The following MCF2L2 variants were observed in gnomAD, a reference collection of about 807,000 sequenced individuals.
MCF2L2 encodes the protein MCF.2 cell line derived transforming sequence-like 2, also known as probable guanine nucleotide exchange factor MCF2L2.
A neutral mutation model predicts 150.2 loss-of-function variants in MCF2L2; 102 were observed. That is an observed-to-expected ratio of 0.68 (90% CI 0.58 to 0.80). The LOEUF (loss-of-function observed/expected upper bound fraction) is 0.80. Among genes scored for constraint, MCF2L2 ranks in the 30% least tolerant of loss-of-function variants. MCF2L2 has a pLI of 0.00. For missense variants in MCF2L2, 1,256 were observed against 1,372.8 expected, an observed-to-expected ratio of 0.91 and a Z score of 1.34; for synonymous variants, 465 against 491.3, an observed-to-expected ratio of 0.95 and a Z score of 0.71.
chr3:183,364,888 G>A (rs982224925), intron 3 of MCF2L2, among the ~76,000 whole-genome samples: 7 of 152,232 alleles, frequency 4.6e-5, no homozygotes, highest in Non-Finnish European at 1.0e-4. Flanking sequence ...ACGTTATCAA[G>A]GCCCAGATGG....
At chr3:183,369,215 G>A (rs999148118) in intron 3 of MCF2L2, among the ~76,000 whole-genome samples, 1 of 152,100 alleles carries the variant, frequency 6.6e-6, no homozygotes. Flanking sequence ...TACACGCCTC[G>A]TTATCCCCCT....
intron 5 of MCF2L2, among the ~76,000 whole-genome samples, chr3:183,333,787 A>C (rs1003026866): frequency 5.3e-5 from 8 of 152,126 alleles, no homozygotes; most frequent in Non-Finnish European, 1.0e-4. Flanking sequence ...AAGAGCCTAA[A>C]AACAAAGATA....
Position 183,283,676 on chromosome 3 carries a change from C to T in MCF2L2, c.1776+5444G>A, listed in dbSNP as rs1449065883. On this transcript the variant is annotated intron_variant, in intron 14 of 29. Coordinates refer to ENST00000328913, the MANE Select transcript of MCF2L2 (RefSeq NM_015078.4). This position sits in a 1 kb window ranked among gnomAD's most constrained non-coding sequence, Gnocchi z 4.2. ...AGCTGGGATTACAGGTGCCCGCCAC[C>T]ATGCCCAGCTAATTTTTGTATTTTT... Among the ~76,000 whole-genome samples the T allele has an allele frequency of 6.6e-6, 1 of 152,110 alleles. No individual in the cohort carries two copies.
chr3:183,271,273 G>A (rs985041217), intron 15 of MCF2L2: 13 of 185,236 alleles, frequency 7.0e-5, no homozygotes, highest in Admixed American at 2.5e-4. Context: ...ATTGCTTTTG[G>A]AAAATACCAA....
intron 15 of MCF2L2, among the ~76,000 whole-genome samples, chr3:183,234,707 T>TTTTTTTTTTTTTTTA (rs774291171): frequency 8.8e-6 from 1 of 113,902 alleles, no homozygotes; most frequent in Non-Finnish European, 1.9e-5. Context: ...TTTTTTTTTT[T>TTTTTTTTTTTTTTTA]TTATTATACT....
chr3:183,396,738 A>T (rs115550317), intron 1 of MCF2L2, among the ~76,000 whole-genome samples: 2,428 of 152,154 alleles, frequency 0.016, 60 homozygotes, highest in African/African-American at 0.056. Flanking sequence ...CAATAATAAT[A>T]ATTATTATTA....
intron 5 of MCF2L2, among the ~76,000 whole-genome samples, chr3:183,332,496 G>A (rs1468058655): frequency 6.6e-6 from 1 of 151,478 alleles, no homozygotes; most frequent in African/African-American, 2.4e-5. Context: ...ACCTGAGAAG[G>A]AGGGCATAAG....
At chr3:183,326,759 C>A (rs1577065607) in intron 5 of MCF2L2, among the ~76,000 whole-genome samples, 1 of 151,880 alleles carries the variant, frequency 6.6e-6, no homozygotes, top group African/African-American at 2.4e-5. Context: ...TTTCCTGTAC[C>A]CACCAGTACA....
intron 27 of MCF2L2, among the ~76,000 whole-genome samples, chr3:183,188,353 A>G (rs969543676): frequency 2.0e-5 from 3 of 152,182 alleles, no homozygotes; most frequent in African/African-American, 7.2e-5. Flanking sequence ...ACATGGGGAG[A>G]AAACAATGTC....
At chr3:183,212,131 G>A (rs1002121602) in intron 22 of MCF2L2, among the ~76,000 whole-genome samples, 8 of 152,214 alleles carry the variant, frequency 5.3e-5, no homozygotes, top group African/African-American at 1.9e-4. Flanking sequence ...AGAATTGCCG[G>A]CAGTCACCAG....
Position 183,262,718 on chromosome 3 carries a change from TG to T in MCF2L2, c.1862+14153del, listed in dbSNP as rs574808326. On this transcript the variant is annotated intron_variant, in intron 15 of 29. Transcript: ENST00000328913. ...CAGACAGGAGGTGAAGTCTTCAGGGTGGGGGGGACAGAGCCTGGGAGGGGGA... is the reference window on the plus strand; with the variant it reads ...CAGACAGGAGGTGAAGTCTTCAGGGTGGGGGGACAGAGCCTGGGAGGGGGA... Among the ~76,000 whole-genome samples, 154 of 67,730 alleles carry T rather than the reference TG, an allele frequency of 2.3e-3. 2 individuals carry two copies. The South Asian group carries it at 0.027, about 12-fold the overall frequency. The allele number at this position is 67,730 out of a possible 152,430, so 44.4% of individuals were successfully genotyped here. A position where few individuals can be genotyped will look rare whatever the true frequency, so the allele number is the denominator to read the frequency against.
intron 1 of MCF2L2, among the ~76,000 whole-genome samples, chr3:183,397,184 A>G (rs1577122485): frequency 6.6e-6 from 1 of 152,252 alleles, no homozygotes; most frequent in Non-Finnish European, 1.5e-5. Flanking sequence ...TCTTGCTGCT[A>G]TAACAAAATA....
At chr3:183,363,556 CA>C (rs1410624179) in intron 3 of MCF2L2, among the ~76,000 whole-genome samples, 1 of 132,716 alleles carries the variant, frequency 7.5e-6, no homozygotes, top group Non-Finnish European at 1.7e-5. Flanking sequence ...CCAGCGTGGG[CA>C]ACATAGGGAG....
intron 14 of MCF2L2, among the ~76,000 whole-genome samples, chr3:183,281,462 T>C (rs1430476975): frequency 1.2e-4 from 18 of 151,068 alleles, no homozygotes; most frequent in Admixed American, 1.1e-3. Flanking sequence ...TTGTCTGCCC[T>C]ATTTGCTCCA....
intron 15 of MCF2L2, among the ~76,000 whole-genome samples, chr3:183,245,850 T>A (rs951032251): frequency 6.6e-6 from 1 of 152,134 alleles, no homozygotes; most frequent in Non-Finnish European, 1.5e-5. Context: ...AACAGTTGAG[T>A]TTTGCTCAGG....
At chr3:183,278,283 T>A (rs922929239) in intron 14 of MCF2L2, among the ~76,000 whole-genome samples, 1 of 138,474 alleles carries the variant, frequency 7.2e-6, no homozygotes, top group South Asian at 2.2e-4. Context: ...AATGAAAAAA[T>A]TGTGTGTGTG....
At chr3:183,215,408 G>A (rs1722877580) in intron 22 of MCF2L2, among the ~76,000 whole-genome samples, 1 of 152,118 alleles carries the variant, frequency 6.6e-6, no homozygotes. Flanking sequence ...GAATGCCTGG[G>A]ACCAGCCTGC....
chr3:183,363,264 A>G (rs1712323346), intron 3 of MCF2L2, among the ~76,000 whole-genome samples: 2 of 152,206 alleles, frequency 1.3e-5, no homozygotes, highest in Non-Finnish European at 2.9e-5. Flanking sequence ...TGCTCTTACC[A>G]TAACAAAACT....
intron 2 of MCF2L2, among the ~76,000 whole-genome samples, chr3:183,386,857 C>T (rs899540669): frequency 1.3e-5 from 2 of 152,230 alleles, no homozygotes; most frequent in African/African-American, 4.8e-5. Context: ...GCCTCTGATT[C>T]CAAACAAAGT....
Sources: allele counts gnomAD v4.1 joint callset (sites outside exome capture counted in the v4.1 genomes callset), GRCh38; gene constraint gnomAD v4.1.1; non-coding constraint Gnocchi (gnomAD v3.1); transcripts MANE v1.5; gene names NCBI Gene and HGNC (gene_info 2026-07-23, HGNC 2026-07-21).